Variants in CUL4A observed in about 807,000 individuals in gnomAD.
The protein encoded by CUL4A is cullin 4A, also known as cullin-4A.
In CUL4A, 16 loss-of-function variants were observed where a neutral mutation model predicts 95.5. The ratio of observed to expected loss-of-function variants is 0.17; its 90% CI spans 0.11 to 0.25. The LOEUF is 0.25. Among genes scored for constraint, CUL4A ranks in the 10% least tolerant of loss-of-function variants. The pLI is 1.00. For missense variants in CUL4A, 610 were observed against 937.0 expected, an observed-to-expected ratio of 0.65 and a Z score of 4.56; for synonymous variants, 380 against 353.1, an observed-to-expected ratio of 1.08 and a Z score of -0.85.
intron 9 of CUL4A, among the ~76,000 whole-genome samples, chr13:113,238,922 G>T (rs948995653): frequency 6.6e-6 from 1 of 152,190 alleles, no homozygotes; most frequent in Non-Finnish European, 1.5e-5. Context: ...TCAGAAAACC[G>T]TTATAAATAT....
intron 19 of CUL4A, among the ~76,000 whole-genome samples, chr13:113,261,136 C>G (rs965270352): frequency 6.6e-6 from 1 of 152,154 alleles, no homozygotes; most frequent in Non-Finnish European, 1.5e-5. Flanking sequence ...CAGCCTACAC[C>G]GCGTTTTCCA....
chr13:113,254,882 A>T, intron 17 of CUL4A, 71 bp from the exon 18 acceptor site: 1 of 1,594,068 alleles, frequency 6.3e-7, no homozygotes, highest in Non-Finnish European at 8.6e-7. Flanking sequence ...ACTTGGTAGC[A>T]TGATTGGTTT....
At chr13:113,226,600 G>C (rs900945638) in intron 3 of CUL4A, among the ~76,000 whole-genome samples, 10 of 152,136 alleles carry the variant, frequency 6.6e-5, no homozygotes, top group Non-Finnish European at 1.5e-4. Flanking sequence ...ACTACTTTTT[G>C]GGCCTTTTCC....
In CUL4A at chr13:113,260,655, T is replaced by C; in HGVS notation, c.2080T>C (p.Tyr694His). 2.5e-6 allele frequency: 4 copies of C among 1,613,228 alleles called. No individual in the cohort carries two copies. The highest frequency in any genetic ancestry group is 2.5e-6 in the Non-Finnish European group (3 of 1,179,504). Residue 694 changes from tyrosine (Y) to histidine (H), a missense_variant, in exon 19 of 20, where the codon TAT (tyrosine) becomes CAT (histidine). Tyr to His is a moderately conservative substitution (Grantham distance 83, BLOSUM62 2). Transcript: ENST00000375440. ...TTERVFQDRQ[Y>H]QIDAAIVRIM... ...TGAGAGAGTGTTTCAGGATAGACAATATCAGATTGATGCTGCTATCGTCAG... is the reference window on the plus strand; with the variant it reads ...TGAGAGAGTGTTTCAGGATAGACAACATCAGATTGATGCTGCTATCGTCAG...
chr13:113,256,439 G>T (rs1429582923), intron 18 of CUL4A, among the ~76,000 whole-genome samples: 4 of 152,178 alleles, frequency 2.6e-5, no homozygotes, highest in African/African-American at 9.7e-5. Flanking sequence ...CTCTGGAGCT[G>T]CTGGGTAAAA....
chr13:113,208,630 G>A (rs1195978180), upstream of CUL4A: 2 of 1,607,242 alleles, frequency 1.2e-6, no homozygotes, highest in Non-Finnish European at 1.7e-6. Flanking sequence ...GGTAATGTGC[G>A]CCATGGGAGC....
chr13:113,246,749 A>G (rs1174222014), intron 15 of CUL4A, among the ~76,000 whole-genome samples: 1 of 152,208 alleles, frequency 6.6e-6, no homozygotes, highest in African/African-American at 2.4e-5. Flanking sequence ...TTAACAAAAG[A>G]CAAATTAGGA....
intron 11 of CUL4A, 128 bp downstream of exon 11, chr13:113,243,288 G>A: frequency 6.1e-6 from 5 of 826,212 alleles, no homozygotes; most frequent in Non-Finnish European, 7.3e-6. Flanking sequence ...AGGGGTGTGT[G>A]GAAAGCGTTT....
At chr13:113,234,700 T>C (rs1469763224) in intron 7 of CUL4A, among the ~76,000 whole-genome samples, 2 of 152,180 alleles carry the variant, frequency 1.3e-5, no homozygotes, top group East Asian at 3.8e-4. Context: ...GACCCAGCTG[T>C]GCGGGGCAGG....
At chr13:113,208,450 C>A, upstream of CUL4A, 2 of 1,520,440 alleles carry the variant, frequency 1.3e-6, no homozygotes, top group Admixed American at 2.0e-5. Flanking sequence ...CGCCGCTGTT[C>A]GGCTCGCGCG....
At chr13:113,227,922 A>T in intron 3 of CUL4A, 54 bp from the exon 4 acceptor site, 33 of 1,137,806 alleles carry the variant, frequency 2.9e-5, no homozygotes, top group Middle Eastern at 2.2e-4. Flanking sequence ...AAAAAAAAAA[A>T]GGTAATAATT....
chr13:113,243,477 G>C (rs2041777192), intron 11 of CUL4A, among the ~76,000 whole-genome samples: 1 of 152,024 alleles, frequency 6.6e-6, no homozygotes, highest in Non-Finnish European at 1.5e-5. Flanking sequence ...ATTAAAATAG[G>C]ATAAAACCAG....
intron 8 of CUL4A, among the ~76,000 whole-genome samples, chr13:113,235,867 A>G (rs1677131645): frequency 6.6e-6 from 1 of 151,612 alleles, no homozygotes; most frequent in African/African-American, 2.4e-5. Context: ...GCTACTTGGG[A>G]GGCTGAGGCA....
upstream of CUL4A, among the ~76,000 whole-genome samples, chr13:113,209,104 T>C (rs1200564743): frequency 6.7e-6 from 1 of 148,260 alleles, no homozygotes; most frequent in Non-Finnish European, 1.5e-5. Context: ...CGCCGCGCGC[T>C]CCCGAGCCTG....
chr13:113,254,563 C>T, intron 16 of CUL4A, 130 bp from the exon 17 acceptor site: 1 of 595,460 alleles, frequency 1.7e-6, no homozygotes, highest in Non-Finnish European at 2.9e-6. Context: ...CCACTGCACT[C>T]CAGCCTGGGT....
chr13:113,228,529 G>C (rs1302844578), intron 4 of CUL4A, among the ~76,000 whole-genome samples: 1 of 152,160 alleles, frequency 6.6e-6, no homozygotes, highest in African/African-American at 2.4e-5. Context: ...AATGATATCA[G>C]TAGGAGACGA....
intron 9 of CUL4A, among the ~76,000 whole-genome samples, chr13:113,237,667 A>AG (rs2041590699): frequency 2.0e-5 from 3 of 152,244 alleles, no homozygotes; most frequent in Admixed American, 6.5e-5. Flanking sequence ...ACCTTCTGAA[A>AG]GTCATTTTAA....
chr13:113,208,966 C>G, upstream of CUL4A: 1 of 1,151,362 alleles, frequency 8.7e-7, no homozygotes, highest in Non-Finnish European at 1.1e-6. Context: ...CTTCGTCTGC[C>G]CCTTGTGAAA....
upstream of CUL4A, chr13:113,209,539 G>GGGGCGGAGGCCGCGCGGACCGGGGC (rs2040256863): frequency 1.3e-6 from 1 of 766,306 alleles, no homozygotes; most frequent in African/African-American, 1.9e-5. Flanking sequence ...CGAGGAGGAC[G>GGGGCGGAGGCCGCGCGGACCGGGGC]GGGCGGAGGC....
Sources: allele counts gnomAD v4.1 joint callset (sites outside exome capture counted in the v4.1 genomes callset), GRCh38; gene constraint gnomAD v4.1.1; transcripts MANE v1.5; gene names NCBI Gene and HGNC (gene_info 2026-07-23, HGNC 2026-07-21).